The following PTPRT variants were observed in gnomAD, a reference collection of about 807,000 sequenced individuals.
The protein encoded by PTPRT is receptor-type tyrosine-protein phosphatase T.
In PTPRT, 56 loss-of-function variants were observed where a neutral mutation model predicts 176.8. The ratio of observed to expected loss-of-function variants is 0.32; its 90% CI spans 0.26 to 0.40. PTPRT has a LOEUF of 0.40. PTPRT is among the 10% of genes least tolerant of loss of function. The pLI is 1.00. For synonymous variants in PTPRT, 783 were observed against 739.0 expected, an observed-to-expected ratio of 1.06 and a Z score of -0.96; for missense variants, 1,540 against 1,908.2, an observed-to-expected ratio of 0.81 and a Z score of 3.60.
intron 1 of PTPRT, among the ~76,000 whole-genome samples, chr20:43,048,230 G>C (rs888455377): frequency 6.6e-5 from 10 of 152,084 alleles, no homozygotes; most frequent in African/African-American, 2.4e-4. Flanking sequence ...GAGAGGAAGG[G>C]GTCGCTCAGG....
intron 23 of PTPRT, among the ~76,000 whole-genome samples, chr20:42,108,827 C>T (rs780921582): frequency 9.9e-5 from 15 of 152,168 alleles, no homozygotes; most frequent in Non-Finnish European, 2.1e-4. Flanking sequence ...CAGAATGGCC[C>T]CAGGAGTGGG....
At position 42,673,136 on chromosome 20, in the gene PTPRT, G is replaced by A. The variant is rs116590403; in HGVS notation, c.1153+4730C>T. Among the ~76,000 whole-genome samples the A allele has an allele frequency of 4.0e-3, 612 of 152,288 alleles. 7 individuals carry two copies. In the Middle Eastern group the frequency reaches 0.044, roughly 11 times the overall value. On this transcript the variant is annotated intron_variant, in intron 7 of 30. Transcript: ENST00000373187. ...TCCCCAGGGCTGAAGACTCCATCAAGTCCTGTGGTGAAGAGTTTCTCTGGC... is the reference window on the plus strand; with the variant it reads ...TCCCCAGGGCTGAAGACTCCATCAAATCCTGTGGTGAAGAGTTTCTCTGGC...
At chr20:43,090,611 A>G (rs949505730) in intron 1 of PTPRT, among the ~76,000 whole-genome samples, 4 of 152,162 alleles carry the variant, frequency 2.6e-5, no homozygotes, top group African/African-American at 9.7e-5. Context: ...CAGAAGTAAC[A>G]AATTTACAGA....
chr20:42,084,162 C>A (rs115596170), intron 29 of PTPRT, among the ~76,000 whole-genome samples: 4 of 152,214 alleles, frequency 2.6e-5, no homozygotes, highest in Non-Finnish European at 5.9e-5. Context: ...ACTGTCCTCT[C>A]GAGGTCCTGA....
intron 2 of PTPRT, among the ~76,000 whole-genome samples, chr20:42,805,572 T>C (rs1405196087): frequency 1.3e-5 from 2 of 152,188 alleles, no homozygotes; most frequent in East Asian, 1.9e-4. Flanking sequence ...TTTGCGGAGA[T>C]GAAAATGCTC....
At chr20:42,835,829 G>T (rs2078172003) in intron 2 of PTPRT, among the ~76,000 whole-genome samples, 1 of 152,014 alleles carries the variant, frequency 6.6e-6, no homozygotes, top group Non-Finnish European at 1.5e-5. Flanking sequence ...GAGTTATTAA[G>T]AGCAGAAAAT....
intron 1 of PTPRT, among the ~76,000 whole-genome samples, chr20:43,048,250 C>A (rs1230733663): frequency 6.6e-6 from 1 of 151,966 alleles, no homozygotes; most frequent in African/African-American, 2.4e-5. Flanking sequence ...GAGGATGGAC[C>A]ATGCCTGAGA....
At chr20:42,223,629 G>A (rs1227022578) in intron 15 of PTPRT, among the ~76,000 whole-genome samples, 2 of 152,176 alleles carry the variant, frequency 1.3e-5, no homozygotes, top group African/African-American at 4.8e-5. Flanking sequence ...ATCAGCCACA[G>A]ATCTGGAAAA....
intron 3 of PTPRT, among the ~76,000 whole-genome samples, chr20:42,781,254 C>A (rs73098053): frequency 1.3e-5 from 2 of 152,238 alleles, no homozygotes; most frequent in East Asian, 1.9e-4. Flanking sequence ...TCCTTTGCAC[C>A]TTTATTTCAA....
chr20:42,612,763 G>GA (rs143885036), intron 7 of PTPRT, among the ~76,000 whole-genome samples: 2,258 of 140,196 alleles, frequency 0.016, 24 homozygotes, highest in Non-Finnish European at 0.023. Flanking sequence ...ATCTTTAACA[G>GA]AAAAAAAAAA....
intron 3 of PTPRT, among the ~76,000 whole-genome samples, chr20:42,784,605 T>C (rs1377486228): frequency 6.6e-6 from 1 of 152,090 alleles, no homozygotes; most frequent in Admixed American, 6.5e-5. Context: ...CTCCACTTCA[T>C]TGTGAGTGAA....
intron 6 of PTPRT, among the ~76,000 whole-genome samples, chr20:42,701,727 C>T (rs1367286965): frequency 6.6e-6 from 1 of 152,018 alleles, no homozygotes; most frequent in Non-Finnish European, 1.5e-5. Flanking sequence ...TGTGGTGTCC[C>T]AGGGAAAGAT....
the PTPRT span, among the ~76,000 whole-genome samples, chr20:42,059,139 G>A: frequency 6.6e-6 from 1 of 152,212 alleles, no homozygotes; most frequent in African/African-American, 2.4e-5. Context: ...AGGACTCTGA[G>A]GGTCAGAGAG....
the PTPRT span, among the ~76,000 whole-genome samples, chr20:42,056,699 T>A: frequency 7.2e-5 from 11 of 152,178 alleles, no homozygotes; most frequent in Admixed American, 2.0e-4. Flanking sequence ...AACGATGAAG[T>A]GTGATAAGAG....
intron 9 of PTPRT, among the ~76,000 whole-genome samples, chr20:42,385,904 T>C (rs1002884307): frequency 6.6e-6 from 1 of 152,188 alleles, no homozygotes; most frequent in Admixed American, 6.5e-5. Context: ...AGATGGGACA[T>C]AGCAAGACCA....
At chr20:42,896,528 G>A (rs961302199) in intron 1 of PTPRT, among the ~76,000 whole-genome samples, 34 of 151,858 alleles carry the variant, frequency 2.2e-4, no homozygotes, top group African/African-American at 8.0e-4. Context: ...CCAGCTACTC[G>A]GGAGGCTGAC....
chr20:42,222,070 T>C (rs749729616), intron 15 of PTPRT, among the ~76,000 whole-genome samples: 47 of 152,278 alleles, frequency 3.1e-4, no homozygotes, highest in Non-Finnish European at 4.6e-4. Context: ...ATTGCATCTT[T>C]CCCCTGCACT....
intron 7 of PTPRT, among the ~76,000 whole-genome samples, chr20:42,472,911 G>A (rs548467105): frequency 3.9e-5 from 6 of 152,210 alleles, no homozygotes; most frequent in Non-Finnish European, 8.8e-5. Context: ...CACACTCCTC[G>A]CTTCTGGGAT....
Position 42,407,621 on chromosome 20 carries a change from A to G in PTPRT, c.1560+40599T>C, listed in dbSNP as rs1296792510. Among the ~76,000 whole-genome samples, 3 of 152,202 alleles carry G rather than the reference A, an allele frequency of 2.0e-5. No individual in the cohort carries two copies. In the East Asian group the frequency reaches 5.8e-4, roughly 29 times the overall value. On this transcript the variant is annotated intron_variant, in intron 9 of 30. Transcript: ENST00000373187. ...TATCATGAGCAAGACAGGTATGCTT[A>G]CCATCTCCATTTCTATTTAACATTG...
Sources: gnomAD v4.1 joint callset for allele counts (sites outside exome capture counted in the v4.1 genomes callset) on GRCh38, gnomAD v4.1.1 for gene constraint, MANE v1.5 for transcripts, NCBI Gene and HGNC (gene_info 2026-07-23, HGNC 2026-07-21) for gene names.